SLC17A4: variants seen among roughly 807,000 people sequenced by gnomAD.
SLC17A4 encodes the protein solute carrier family 17 member 4, also known as probable small intestine urate exporter.
In SLC17A4, 33 loss-of-function variants were observed where a neutral mutation model predicts 52.5. That is an observed-to-expected ratio of 0.63 (90% CI 0.48 to 0.84). SLC17A4 has a LOEUF of 0.84. SLC17A4 is among the 40% of genes least tolerant of loss of function. The probability of loss-of-function intolerance (pLI) is 0.00; values close to 1 mark genes in which losing one functional copy is unlikely to be tolerated. For synonymous variants in SLC17A4, 225 were observed against 216.2 expected (o/e 1.04, Z -0.36); for missense variants, 585 against 597.1 (o/e 0.98, Z 0.21).
chr6:25,769,557 TA>T lies in SLC17A4; in HGVS notation c.297+381del, dbSNP rs1233953890. Among the ~76,000 whole-genome samples, 252 of 135,906 alleles carry T rather than the reference TA, an allele frequency of 1.9e-3. 1 individual carries two copies. Among genetic ancestry groups the T allele is most frequent in the African/African-American group, 2.4e-3 (86 of 35,894 alleles). The allele number at this position is 135,906 out of a possible 152,430, so 89.2% of individuals were successfully genotyped here. A position where few individuals can be genotyped will look rare whatever the true frequency, so the allele number is the denominator to read the frequency against. ...TGGGTGACAGAGTGAGATTCTGTCT[TA>T]AAAAAAAAAAAAAGAAAGAAAGAAA... is the stretch of plus-strand genomic sequence containing the variant. On this transcript the variant is annotated intron_variant, in intron 3 of 11. Coordinates refer to ENST00000377905, the MANE Select transcript of SLC17A4 (RefSeq NM_005495.3).
intron 10 of SLC17A4, chr6:25,777,487 C>T (rs138863643): frequency 3.8e-5 from 6 of 157,034 alleles, no homozygotes; most frequent in Non-Finnish European, 8.3e-5. Flanking sequence ...GGGGAGCCGA[C>T]GTCTCATCTG....
At chr6:25,757,597 C>T (rs1478238600) in intron 1 of SLC17A4, among the ~76,000 whole-genome samples, 1 of 152,104 alleles carries the variant, frequency 6.6e-6, no homozygotes, top group Non-Finnish European at 1.5e-5. Flanking sequence ...GGGAAGGGAT[C>T]ATTTGGTTGG....
Position 25,758,473 on chromosome 6 carries a change from A to G in SLC17A4, c.-36-3454A>G, listed in dbSNP as rs186311725. Among the ~76,000 whole-genome samples the G allele has an allele frequency of 2.0e-4, 31 of 152,262 alleles. No individual in the cohort carries two copies. The South Asian group carries it at 5.8e-3, about 28-fold the overall frequency. ...CTGCATGGCCGTTCCTACCCTCCCC[A>G]TTCCTTTGCAGAGAGAGTTTCTATT... On this transcript the variant is annotated intron_variant, in intron 1 of 11. Coordinates refer to ENST00000377905, the MANE Select transcript of SLC17A4 (RefSeq NM_005495.3).
At chr6:25,776,496 TA>T in intron 8 of SLC17A4, 98 bp from the exon 9 acceptor site, 1 of 1,441,944 alleles carries the variant, frequency 6.9e-7, no homozygotes, top group Non-Finnish European at 9.3e-7. Context: ...GATGCGTATA[TA>T]AAGAAAAGCC....
intron 2 of SLC17A4, among the ~76,000 whole-genome samples, chr6:25,763,425 C>A (rs905945202): frequency 6.6e-6 from 1 of 152,184 alleles, no homozygotes; most frequent in African/African-American, 2.4e-5. Context: ...AGGAATAAAC[C>A]TTGCAGAGTG....
intron 8 of SLC17A4, among the ~76,000 whole-genome samples, chr6:25,775,946 T>C (rs1314164921): frequency 6.6e-6 from 1 of 152,216 alleles, no homozygotes; most frequent in African/African-American, 2.4e-5. Flanking sequence ...TTTCCCATCT[T>C]TGAGCAATGC....
intron 2 of SLC17A4, 132 bp from the exon 3 acceptor site, chr6:25,768,853 C>A: frequency 1.2e-6 from 1 of 834,228 alleles, no homozygotes. Flanking sequence ...CCACTACACA[C>A]CTACAGAGGA....
intron 1 of SLC17A4, among the ~76,000 whole-genome samples, chr6:25,754,983 A>G (rs1258829358): frequency 6.6e-6 from 1 of 151,426 alleles, no homozygotes; most frequent in East Asian, 1.9e-4. Context: ...CAGGGAATTA[A>G]TTCAAGAGAA....
At position 25,773,513 on chromosome 6, in the gene SLC17A4, G is replaced by A. The variant is rs774010672; in HGVS notation, c.826G>A (p.Asp276Asn). The A allele has an allele frequency of 5.0e-6, 8 of 1,613,578 alleles. No homozygotes were observed. In the South Asian group the frequency reaches 7.7e-5, roughly 16 times the overall value. ...GACATTGATGTGTGCTTTCTTCCAG[G>A]ACTGTTCACCAGGCTGGTCTCTTCC... The part of the protein sequence containing the change: ...RYIVCSLAQQ[D>N]CSPGWSLPIR... The change falls in exon 8 of 12, where the codon GAC (aspartate) becomes AAC (asparagine). Residue 276 changes from aspartate to asparagine, a missense_variant and splice_region_variant. By Grantham distance (23) the Asp-to-Asn change is conservative. Coordinates refer to ENST00000377905, the MANE Select transcript of SLC17A4 (RefSeq NM_005495.3).
At chr6:25,762,542 A>G (rs901078249) in intron 2 of SLC17A4, among the ~76,000 whole-genome samples, 6 of 152,136 alleles carry the variant, frequency 3.9e-5, no homozygotes, top group African/African-American at 1.2e-4. Context: ...AGAACATCTT[A>G]TTTTACCCTA....
chr6:25,773,416 C>T (rs1317875069), intron 7 of SLC17A4, 23 bp downstream of exon 7: 2 of 1,612,058 alleles, frequency 1.2e-6, no homozygotes, highest in Non-Finnish European at 1.7e-6. Context: ...ACTCCTCTGA[C>T]ATTTCTCTAT....
chr6:25,773,838 T>C (rs1242045984), intron 8 of SLC17A4, among the ~76,000 whole-genome samples, 164 bp downstream of exon 8: 2 of 152,182 alleles, frequency 1.3e-5, no homozygotes, highest in Admixed American at 1.3e-4. Flanking sequence ...TTCTGATTGA[T>C]CTCAATGTGG....
intron 2 of SLC17A4, among the ~76,000 whole-genome samples, chr6:25,762,519 TAAGGGAAAC>T (rs1203110475): frequency 6.6e-6 from 1 of 152,212 alleles, no homozygotes; most frequent in Non-Finnish European, 1.5e-5. Context: ...TAATATGCAT[TAAGGGAAAC>T]TGTAGAACAT....
intron 8 of SLC17A4, 53 bp from the exon 9 acceptor site, chr6:25,776,542 T>C: frequency 1.3e-6 from 2 of 1,544,084 alleles, no homozygotes; most frequent in South Asian, 2.6e-5. Flanking sequence ...GTTGTCTGTG[T>C]CGTGGTGGGG....
chr6:25,761,567 C>A (rs1279509005), intron 1 of SLC17A4, among the ~76,000 whole-genome samples: 1 of 152,080 alleles, frequency 6.6e-6, no homozygotes, highest in African/African-American at 2.4e-5. Context: ...TAATTTAATC[C>A]ACTGGAATCT....
chr6:25,761,513 A>G (rs1400459536), intron 1 of SLC17A4, among the ~76,000 whole-genome samples: 1 of 152,184 alleles, frequency 6.6e-6, no homozygotes, highest in Non-Finnish European at 1.5e-5. Context: ...GGTGTTTGCT[A>G]TATTTTATGT....
intron 2 of SLC17A4, among the ~76,000 whole-genome samples, chr6:25,767,257 T>C (rs1762100290): frequency 6.6e-6 from 1 of 152,162 alleles, no homozygotes; most frequent in Non-Finnish European, 1.5e-5. Context: ...CTATATATAC[T>C]AAATAAAATT....
chr6:25,779,156 T>C lies in SLC17A4; in HGVS notation c.1462T>C (p.Trp488Arg), dbSNP rs1763175522. The C allele has an allele frequency of 1.9e-6, 3 of 1,613,782 alleles. No individual in the cohort carries two copies. The highest frequency in any genetic ancestry group is 2.2e-5 in the East Asian group (1 of 44,892). ...LIFGRADVQD[W>R]AKEQTFTHL The stretch of plus-strand genomic sequence containing the variant: ...CTTTGGCCGAGCAGATGTGCAGGAC[T>C]GGGCTAAAGAGCAGACATTCACCCA... Residue 488 changes from tryptophan to arginine, a missense_variant, in exon 12 of 12, where the codon TGG becomes CGG. Transcript: ENST00000377905.
At chr6:25,760,231 T>C (rs1056121245) in intron 1 of SLC17A4, among the ~76,000 whole-genome samples, 1 of 152,228 alleles carries the variant, frequency 6.6e-6, no homozygotes, top group African/African-American at 2.4e-5. Context: ...TCTTAATCTA[T>C]ATTCATATAT....
Sources: allele counts gnomAD v4.1 joint callset (sites outside exome capture counted in the v4.1 genomes callset), GRCh38; gene constraint gnomAD v4.1.1; transcripts MANE v1.5; gene names NCBI Gene and HGNC (gene_info 2026-07-23, HGNC 2026-07-21).